PCDHGA1: variants seen among roughly 807,000 people sequenced by gnomAD.
PCDHGA1 encodes the protein protocadherin gamma subfamily A, 1.
PCDHGA1 carries 32 observed loss-of-function variants against 58.0 expected under a neutral mutation model. The observed-to-expected ratio is 0.55, with a 90% CI of 0.42 to 0.74. The LOEUF is 0.74. Ranked by LOEUF, PCDHGA1 falls within the 30% of genes least tolerant of loss-of-function variation. The pLI is 0.00. For synonymous variants in PCDHGA1, 498 were observed against 501.1 expected (o/e 0.99, Z 0.08); for missense variants, 1,205 against 1,182.3 (o/e 1.02, Z -0.28).
chr5:141,430,865 C>A, intron 1 of PCDHGA1: 2 of 1,595,350 alleles, frequency 1.3e-6, no homozygotes, highest in Non-Finnish European at 1.7e-6. Flanking sequence ...CTATTCAGTT[C>A]CGGAAGAGCT....
chr5:141,487,127 A>T lies in PCDHGA1; in HGVS notation c.2422-7680A>T. ...GGTCATTGTGGTAAAGGATAGTGGT[A>T]GTCCACCACTCTCTACCTCTGTTAC... On this transcript the variant is annotated intron_variant, in intron 1 of 3. Coordinates refer to ENST00000517417, the MANE Select transcript of PCDHGA1 (RefSeq NM_018912.3). The surrounding 1 kb of genome is among the most constrained non-coding windows in gnomAD (Gnocchi z 5.0). 6.2e-7 allele frequency: 1 copy of T among 1,613,334 alleles called. No individual in the cohort carries two copies. Among genetic ancestry groups the T allele is most frequent in the Admixed American group, 1.7e-5 (1 of 60,026 alleles).
chr5:141,390,429 T>C lies in PCDHGA1; in HGVS notation c.2421+57324T>C, dbSNP rs2092145009. On this transcript the variant is annotated intron_variant, in intron 1 of 3. Transcript: ENST00000517417. ...GTTGTAGTCAGTTAAAAAGCTGTCA[T>C]ATCATTCTACAAAGGAGGAGTAAAG... The C allele has an allele frequency of 6.0e-6, 6 of 1,008,304 alleles. No homozygotes were observed. The South Asian group carries it at 6.8e-5, about 11-fold the overall frequency. The allele number at this position is 1,008,304 out of a possible 1,614,324, so 62.5% of individuals were successfully genotyped here. A position where few individuals can be genotyped will look rare whatever the true frequency, so the allele number is the denominator to read the frequency against.
chr5:141,341,168 A>T, intron 1 of PCDHGA1: 1 of 1,614,070 alleles, frequency 6.2e-7, no homozygotes, highest in Non-Finnish European at 8.5e-7. Context: ...AGGCAGCTTG[A>T]CAGGCATGCA....
chr5:141,400,682 G>C (rs778099324), intron 1 of PCDHGA1: 10 of 835,140 alleles, frequency 1.2e-5, no homozygotes, highest in Non-Finnish European at 1.7e-5. Context: ...AGTAAATTGT[G>C]AGTTTTTATG....
intron 1 of PCDHGA1, among the ~76,000 whole-genome samples, chr5:141,474,672 T>C (rs1203448521): frequency 2.0e-5 from 3 of 152,228 alleles, no homozygotes; most frequent in Non-Finnish European, 4.4e-5. Flanking sequence ...ACCTAACCTA[T>C]GTGCCTACCC....
chr5:141,490,589 A>G lies in PCDHGA1; in HGVS notation c.2422-4218A>G, dbSNP rs761250654. On this transcript the variant is annotated intron_variant, in intron 1 of 3. Transcript: ENST00000517417. The surrounding 1 kb of genome is among the most constrained non-coding windows in gnomAD (Gnocchi z 5.4). ...CTCAACATTTCAGATGTCAATGACA[A>G]TGCACCCCGCTTCAACCAGCAGCTT... The G allele has an allele frequency of 5.7e-5, 92 of 1,614,042 alleles. No individual in the cohort carries two copies. Among genetic ancestry groups the G allele is most frequent in the Non-Finnish European group, 7.6e-5 (90 of 1,180,036 alleles).
rs766348365 is a variant in PCDHGA1, at chr5:141,360,614, C to T, written c.2421+27509C>T. The T allele has an allele frequency of 6.2e-6, 10 of 1,613,920 alleles. No individual in the cohort carries two copies. The Admixed American group carries it at 1.3e-4, about 22-fold the overall frequency. On this transcript the variant is annotated intron_variant, in intron 1 of 3. Coordinates refer to ENST00000517417, the MANE Select transcript of PCDHGA1 (RefSeq NM_018912.3). ...TTTCCACTTGACCCAGCCCTGGATT[C>T]AGATGTTGGTCCTAACTCACTACAA...
At chr5:141,341,953 T>C (rs1757101484) in intron 1 of PCDHGA1, 1 of 157,312 alleles carries the variant, frequency 6.4e-6, no homozygotes, top group Non-Finnish European at 1.4e-5. Context: ...AATTTAGAAA[T>C]ATACATTCCT....
chr5:141,339,740 G>C (rs1166937901), intron 1 of PCDHGA1: 2 of 1,613,958 alleles, frequency 1.2e-6, no homozygotes, highest in African/African-American at 1.3e-5. Context: ...GAATACGCTC[G>C]TGGGCACCCG....
At chr5:141,449,436 A>T (rs1177598228) in intron 1 of PCDHGA1, among the ~76,000 whole-genome samples, 1 of 151,792 alleles carries the variant, frequency 6.6e-6, no homozygotes, top group African/African-American at 2.4e-5. Flanking sequence ...ATAAAACTCC[A>T]TCTCTACTAA....
At chr5:141,423,050 G>T (rs1434973750) in intron 1 of PCDHGA1, 2 of 1,614,068 alleles carry the variant, frequency 1.2e-6, no homozygotes, top group Admixed American at 1.7e-5. Context: ...CTGTCCTATC[G>T]CCTGCTTAAG....
intron 1 of PCDHGA1, among the ~76,000 whole-genome samples, chr5:141,463,438 C>CTTTTTTTTTTTTT (rs71576115): frequency 9.7e-6 from 1 of 103,256 alleles, no homozygotes; most frequent in Non-Finnish European, 1.9e-5. Context: ...TTTCCTTCTC[C>CTTTTTTTTTTTTT]TTTTTTTTTT....
intron 1 of PCDHGA1, chr5:141,365,125 C>A (rs373921082): frequency 1.2e-6 from 2 of 1,613,766 alleles, no homozygotes; most frequent in African/African-American, 1.3e-5. Context: ...TCATGCTAAC[C>A]GCCACGGATC....
rs556099456 is a variant in PCDHGA1, at chr5:141,430,033, C to A, written c.2422-64774C>A. ...ACTTGGGTTCTTGTTAAGTGTGATT[C>A]TGATAATGTATACAATCACATATCA... On this transcript the variant is annotated intron_variant, in intron 1 of 3. Coordinates refer to ENST00000517417, the MANE Select transcript of PCDHGA1 (RefSeq NM_018912.3). 1.2e-4 allele frequency among the ~76,000 whole-genome samples: 18 copies of A among 152,184 alleles called. 1 individual carries two copies. In the South Asian group the frequency reaches 3.3e-3, roughly 28 times the overall value.
In PCDHGA1 at chr5:141,431,985, T is replaced by A. The variant is rs1354693325; in HGVS notation, c.2422-62822T>A. 1 of 1,614,202 alleles carries A rather than the reference T, an allele frequency of 6.2e-7. No homozygotes were observed. The highest frequency in any genetic ancestry group is 1.7e-5 in the Admixed American group (1 of 60,030). ...TACTATAGTTTAGTCACAGACATAG[T>A]CTTGGATAGGGAACAGGTTCCTAGC... On this transcript the variant is annotated intron_variant, in intron 1 of 3. Coordinates refer to ENST00000517417, the MANE Select transcript of PCDHGA1 (RefSeq NM_018912.3). This position sits in a 1 kb window ranked among gnomAD's most constrained non-coding sequence, Gnocchi z 4.8.
At chr5:141,409,640 G>A (rs1045286800) in intron 1 of PCDHGA1, 2 of 1,613,780 alleles carry the variant, frequency 1.2e-6, no homozygotes, top group African/African-American at 1.3e-5. Context: ...CTCTGACCCG[G>A]ATTTGGGGCT....
chr5:141,372,091 C>A, intron 1 of PCDHGA1: 2 of 1,613,774 alleles, frequency 1.2e-6, no homozygotes, highest in Non-Finnish European at 1.7e-6. Flanking sequence ...CTGTACCCAG[C>A]TCTGGGGCCC....
At chr5:141,390,341 A>T (rs766269615) in intron 1 of PCDHGA1, 5 of 1,587,538 alleles carry the variant, frequency 3.1e-6, no homozygotes, top group Non-Finnish European at 4.3e-6. Flanking sequence ...CATATTCACA[A>T]GAAAATATAC....
intron 1 of PCDHGA1, chr5:141,400,330 G>A (rs2094004189): frequency 6.2e-7 from 1 of 1,614,082 alleles, no homozygotes; most frequent in Admixed American, 1.7e-5. Flanking sequence ...TGGACCTGTG[G>A]TTCCCCCCAA....
Sources: allele counts gnomAD v4.1 joint callset (sites outside exome capture counted in the v4.1 genomes callset), GRCh38; gene constraint gnomAD v4.1.1; non-coding constraint Gnocchi (gnomAD v3.1); transcripts MANE v1.5; gene names NCBI Gene and HGNC (gene_info 2026-07-23, HGNC 2026-07-21).